Variants in FSTL5 observed in about 807,000 individuals in gnomAD.
FSTL5 encodes follistatin like 5, also known as follistatin-related protein 5.
Under a neutral mutation model 89.1 loss-of-function variants are expected in FSTL5, and 62 were observed. The ratio of observed to expected loss-of-function variants is 0.70; its 90% CI spans 0.57 to 0.86. The LOEUF (loss-of-function observed/expected upper bound fraction) is 0.86, where lower values mean the gene tolerates loss of function less well. Among genes scored for constraint, FSTL5 ranks in the 40% least tolerant of loss-of-function variants. The pLI is 0.00. For synonymous variants in FSTL5, 383 were observed against 346.2 expected (o/e 1.11, Z -1.18); for missense variants, 1,057 against 1,001.6 (o/e 1.06, Z -0.75).
chr4:161,973,852 G>A (rs543416205), intron 3 of FSTL5, among the ~76,000 whole-genome samples: 85 of 152,222 alleles, frequency 5.6e-4, no homozygotes, highest in African/African-American at 2.0e-3. Flanking sequence ...TGTATATCTA[G>A]AAAACCCCAT....
chr4:161,784,665 C>A (rs1232203928), intron 4 of FSTL5, among the ~76,000 whole-genome samples: 2 of 151,814 alleles, frequency 1.3e-5, no homozygotes, highest in African/African-American at 2.4e-5. Context: ...AAGGCGGAGG[C>A]GGGTGGATCA....
intron 2 of FSTL5, among the ~76,000 whole-genome samples, chr4:162,109,204 C>T (rs2111402456): frequency 6.6e-6 from 1 of 152,062 alleles, no homozygotes; most frequent in East Asian, 1.9e-4. Flanking sequence ...AATAAAAGCT[C>T]TAATACAATC....
intron 3 of FSTL5, among the ~76,000 whole-genome samples, chr4:161,946,143 T>G (rs549517530): frequency 6.6e-6 from 1 of 152,182 alleles, no homozygotes; most frequent in Non-Finnish European, 1.5e-5. Flanking sequence ...TCAAATTTCT[T>G]TATCAGAGTA....
At chr4:161,964,830 C>A (rs1735279635) in intron 3 of FSTL5, among the ~76,000 whole-genome samples, 1 of 151,966 alleles carries the variant, frequency 6.6e-6, no homozygotes, top group African/African-American at 2.4e-5. Context: ...AAAACATTTT[C>A]TAATTTTACA....
chr4:161,887,438 CT>C lies in FSTL5; in HGVS notation c.409+32965del, dbSNP rs1275175218. 2.2e-3 allele frequency among the ~76,000 whole-genome samples: 319 copies of C among 143,286 alleles called. 2 individuals are homozygous for C. The highest frequency in any genetic ancestry group is 8.2e-3 in the African/African-American group (307 of 37,336). The allele number at this position is 143,286 out of a possible 152,430, so 94.0% of individuals were successfully genotyped here. ...ATCTATCTATCTATCATCTATCTAC[CT>C]ATCATCTATAATCTATCAGTCTATC... is the stretch of plus-strand genomic sequence containing the variant. On this transcript the variant is annotated intron_variant, in intron 4 of 15. Transcript: ENST00000306100.
chr4:161,514,166 T>A lies in FSTL5; in HGVS notation c.1313-3742A>T, dbSNP rs566555381. 1.7e-3 allele frequency among the ~76,000 whole-genome samples: 262 copies of A among 151,806 alleles called. 2 individuals carry two copies. The highest frequency in any genetic ancestry group is 3.2e-3 in the Non-Finnish European group (220 of 67,904). ...AGGGATATTTAAATTAATAAAAAAT[T>A]AACATACACCAGAATAATAAATAAG... On this transcript the variant is annotated intron_variant, in intron 10 of 15. Transcript: ENST00000306100.
rs77159553 is a variant in FSTL5, at chr4:161,722,687, A to C, written c.727+36724T>G. Among the ~76,000 whole-genome samples, 52 of 152,304 alleles carry C rather than the reference A, an allele frequency of 3.4e-4. No individual in the cohort carries two copies. In the East Asian group the frequency reaches 7.9e-3, roughly 23 times the overall value. ...CTTAATCTAAACAATTTCCATTTGAATCATTCTCACAGCTTTTATTCCCTT... is the reference window on the plus strand; with the variant it reads ...CTTAATCTAAACAATTTCCATTTGACTCATTCTCACAGCTTTTATTCCCTT... On this transcript the variant is annotated intron_variant, in intron 6 of 15. Transcript: ENST00000306100.
intron 6 of FSTL5, among the ~76,000 whole-genome samples, chr4:161,756,507 T>C (rs1740575834): frequency 6.6e-6 from 1 of 152,118 alleles, no homozygotes; most frequent in Admixed American, 6.5e-5. Context: ...TATTCCCTAG[T>C]ACTTTTATGT....
chr4:161,759,200 G>A (rs1740692521), intron 6 of FSTL5, among the ~76,000 whole-genome samples: 1 of 152,050 alleles, frequency 6.6e-6, no homozygotes. Flanking sequence ...TGATATTCGT[G>A]GTTATCAAAT....
At chr4:161,949,707 A>G (rs954101111) in intron 3 of FSTL5, among the ~76,000 whole-genome samples, 2 of 151,086 alleles carry the variant, frequency 1.3e-5, no homozygotes, top group Non-Finnish European at 3.0e-5. Flanking sequence ...ATTTATCAGT[A>G]TTTAATTTCA....
At chr4:162,013,712 T>A (rs1736834807) in intron 3 of FSTL5, among the ~76,000 whole-genome samples, 1 of 152,286 alleles carries the variant, frequency 6.6e-6, no homozygotes, top group African/African-American at 2.4e-5. Context: ...CCAGTCTTTT[T>A]GTTTGTTTGT....
intron 11 of FSTL5, among the ~76,000 whole-genome samples, chr4:161,506,102 T>G (rs1730469856): frequency 6.6e-6 from 1 of 152,094 alleles, no homozygotes; most frequent in East Asian, 1.9e-4. Context: ...GTCCCTCAGT[T>G]TGGACAGTGG....
At chr4:161,394,319 A>T (rs923627628) in intron 15 of FSTL5, among the ~76,000 whole-genome samples, 2 of 152,294 alleles carry the variant, frequency 1.3e-5, no homozygotes, top group African/African-American at 4.8e-5. Context: ...TCTGTAGCCC[A>T]GGCTGAAGTG....
intron 6 of FSTL5, among the ~76,000 whole-genome samples, chr4:161,732,576 G>T (rs1236754089): frequency 6.6e-6 from 1 of 151,940 alleles, no homozygotes. Flanking sequence ...CCAAAACAAG[G>T]CATGCAAAAT....
At chr4:161,498,090 A>G (rs1730152175) in intron 12 of FSTL5, among the ~76,000 whole-genome samples, 1 of 151,770 alleles carries the variant, frequency 6.6e-6, no homozygotes. Flanking sequence ...ATATATACAT[A>G]TACATATATA....
At chr4:162,102,652 T>C (rs1176251414) in intron 2 of FSTL5, among the ~76,000 whole-genome samples, 5 of 146,008 alleles carry the variant, frequency 3.4e-5, no homozygotes, top group African/African-American at 1.2e-4. Flanking sequence ...TGTATATTTA[T>C]ATATACATAT....
Position 161,439,228 on chromosome 4 carries a change from T to C in FSTL5, c.1841+15776A>G, listed in dbSNP as rs72973192. Among the ~76,000 whole-genome samples the C allele has an allele frequency of 2.2e-3, 341 of 152,316 alleles. 1 individual carries two copies. The highest frequency in any genetic ancestry group is 7.8e-3 in the African/African-American group (325 of 41,570). On this transcript the variant is annotated intron_variant, in intron 15 of 15. Transcript: ENST00000306100. ...AGAAATATATCTTAACAAATAATAG[T>C]TTCAACATGCCTCTACAGAACAAAC...
At chr4:161,978,434 T>C (rs547417110) in intron 3 of FSTL5, among the ~76,000 whole-genome samples, 13 of 152,298 alleles carry the variant, frequency 8.5e-5, no homozygotes, top group Middle Eastern at 3.4e-3. Context: ...AACTGATTAA[T>C]ATGCTTTATT....
intron 1 of FSTL5, among the ~76,000 whole-genome samples, chr4:162,142,371 A>G (rs573854847): frequency 4.6e-5 from 7 of 152,280 alleles, no homozygotes; most frequent in African/African-American, 1.4e-4. Flanking sequence ...ATAATCTGTA[A>G]ATTATTGCTG....
Sources: allele counts gnomAD v4.1 joint callset (sites outside exome capture counted in the v4.1 genomes callset), GRCh38; gene constraint gnomAD v4.1.1; transcripts MANE v1.5; gene names NCBI Gene and HGNC (gene_info 2026-07-23, HGNC 2026-07-21).